Variants in PTPRR observed in about 807,000 individuals in gnomAD.
PTPRR encodes the protein receptor-type tyrosine-protein phosphatase R.
A neutral mutation model predicts 77.2 loss-of-function variants in PTPRR; 38 were observed. The ratio of observed to expected loss-of-function variants is 0.49; its 90% confidence interval spans 0.38 to 0.65. The LOEUF is 0.65. Ranked by LOEUF, PTPRR falls within the 30% of genes least tolerant of loss-of-function variation. PTPRR has a pLI of 0.00. For missense variants in PTPRR, 744 were observed against 799.2 expected, an observed-to-expected ratio of 0.93 and a Z score of 0.83; for synonymous variants, 299 against 283.1, an observed-to-expected ratio of 1.06 and a Z score of -0.57.
intron 4 of PTPRR, among the ~76,000 whole-genome samples, chr12:70,758,864 G>T (rs1890622167): frequency 6.6e-6 from 1 of 152,088 alleles, no homozygotes; most frequent in African/African-American, 2.4e-5. Context: ...ATCATTTATT[G>T]TTTGTTTTCT....
intron 2 of PTPRR, among the ~76,000 whole-genome samples, chr12:70,768,212 T>C (rs1160141748): frequency 2.0e-5 from 3 of 151,818 alleles, no homozygotes; most frequent in African/African-American, 4.8e-5. Flanking sequence ...TTCAAAAAAT[T>C]AATGAATCCA....
chr12:70,857,144 G>T (rs1456004027), intron 2 of PTPRR, among the ~76,000 whole-genome samples: 1 of 152,074 alleles, frequency 6.6e-6, no homozygotes, highest in Non-Finnish European at 1.5e-5. Flanking sequence ...ATACATATTT[G>T]ATATCCTGGA....
At chr12:70,858,343 G>A (rs923793884) in intron 2 of PTPRR, among the ~76,000 whole-genome samples, 1 of 152,042 alleles carries the variant, frequency 6.6e-6, no homozygotes, top group East Asian at 1.9e-4. Context: ...TGTCTTGTAG[G>A]ATGGACACTG....
chr12:70,909,588 A>G (rs1893671229), intron 1 of PTPRR, among the ~76,000 whole-genome samples: 1 of 152,216 alleles, frequency 6.6e-6, no homozygotes, highest in African/African-American at 2.4e-5. Context: ...TCAAAGGAAC[A>G]AAACAAAACA....
intron 2 of PTPRR, among the ~76,000 whole-genome samples, chr12:70,883,213 A>T (rs1331575406): frequency 6.6e-6 from 1 of 152,178 alleles, no homozygotes; most frequent in East Asian, 1.9e-4. Flanking sequence ...GTGAGCTGAG[A>T]TCTCACCATT....
intron 2 of PTPRR, among the ~76,000 whole-genome samples, chr12:70,881,070 T>C (rs924715809): frequency 3.9e-5 from 6 of 152,166 alleles, no homozygotes; most frequent in African/African-American, 1.4e-4. Context: ...TTCAAGTAGA[T>C]TTTGCTATAC....
chr12:70,765,452 T>C (rs762502972), intron 2 of PTPRR, among the ~76,000 whole-genome samples: 2 of 152,052 alleles, frequency 1.3e-5, no homozygotes, highest in Non-Finnish European at 2.9e-5. Context: ...GCAGTGAGGC[T>C]GGGGGAGGGG....
chr12:70,824,450 C>G (rs1037243500), intron 2 of PTPRR, among the ~76,000 whole-genome samples: 2 of 151,952 alleles, frequency 1.3e-5, no homozygotes, highest in African/African-American at 4.8e-5. Context: ...ATCAAGAAAC[C>G]ATGGTAGCTA....
intron 10 of PTPRR, among the ~76,000 whole-genome samples, chr12:70,680,195 G>T (rs978714702): frequency 2.0e-5 from 3 of 151,882 alleles, no homozygotes; most frequent in Non-Finnish European, 2.9e-5. Context: ...TTTCCTTCAG[G>T]TCATTATTTT....
intron 1 of PTPRR, among the ~76,000 whole-genome samples, chr12:70,908,245 T>G (rs1893651151): frequency 6.6e-6 from 1 of 152,152 alleles, no homozygotes; most frequent in South Asian, 2.1e-4. Context: ...CTCACCATAG[T>G]AATGATACTA....
At chr12:70,772,847 A>G (rs560267213) in intron 2 of PTPRR, among the ~76,000 whole-genome samples, 1 of 152,294 alleles carries the variant, frequency 6.6e-6, no homozygotes, top group East Asian at 1.9e-4. Context: ...AACACTTTAA[A>G]ATTTCTTAAA....
At chr12:70,767,569 G>T (rs573468343) in intron 2 of PTPRR, among the ~76,000 whole-genome samples, 1 of 152,014 alleles carries the variant, frequency 6.6e-6, no homozygotes, top group African/African-American at 2.4e-5. Context: ...AATAATGGGA[G>T]ACGTTAACAC....
At position 70,864,897 on chromosome 12, in the gene PTPRR, C is replaced by A. The variant is rs1466001388; in HGVS notation, c.357+27782G>T. The stretch of plus-strand genomic sequence containing the variant: ...TGGGATCTCCACTCACTGCAACCTC[C>A]ACTTCCCGGGTTCAAGTGATTCTCC... On this transcript the variant is annotated intron_variant, in intron 2 of 13. Transcript: ENST00000283228. Among the ~76,000 whole-genome samples, 4 of 152,250 alleles carry A rather than the reference C, an allele frequency of 2.6e-5. No individual in the cohort carries two copies. The East Asian group carries it at 7.7e-4, about 29-fold the overall frequency.
intron 4 of PTPRR, among the ~76,000 whole-genome samples, chr12:70,756,483 C>G (rs1002974782): frequency 1.3e-5 from 2 of 152,158 alleles, no homozygotes; most frequent in African/African-American, 2.4e-5. Flanking sequence ...AATCTTCAAT[C>G]TAACCTTTGC....
At chr12:70,691,893 T>C (rs1888068872) in intron 8 of PTPRR, among the ~76,000 whole-genome samples, 1 of 152,202 alleles carries the variant, frequency 6.6e-6, no homozygotes, top group Non-Finnish European at 1.5e-5. Context: ...GTCAAGGTGC[T>C]CTGTAAAACA....
At chr12:70,681,769 A>G (rs1887670761) in intron 10 of PTPRR, among the ~76,000 whole-genome samples, 1 of 151,952 alleles carries the variant, frequency 6.6e-6, no homozygotes, top group Non-Finnish European at 1.5e-5. Context: ...GGGCTTTTCT[A>G]TGGAAATCTG....
At chr12:70,726,054 C>T (rs976238744) in intron 6 of PTPRR, among the ~76,000 whole-genome samples, 2 of 151,080 alleles carry the variant, frequency 1.3e-5, no homozygotes, top group African/African-American at 4.9e-5. Context: ...CTTTGTATGA[C>T]ATTACCCAGA....
intron 2 of PTPRR, among the ~76,000 whole-genome samples, chr12:70,876,338 G>A (rs1278275316): frequency 2.0e-5 from 3 of 151,994 alleles, no homozygotes; most frequent in Non-Finnish European, 4.4e-5. Context: ...GATTATCATA[G>A]CAATTTTGTG....
chr12:70,770,042 A>C (rs1285546408), intron 2 of PTPRR, among the ~76,000 whole-genome samples: 1 of 151,960 alleles, frequency 6.6e-6, no homozygotes, highest in Non-Finnish European at 1.5e-5. Flanking sequence ...ATTAGACCTA[A>C]AACCATAAAA....
Sources: gnomAD v4.1 joint callset for allele counts (sites outside exome capture counted in the v4.1 genomes callset) on GRCh38, gnomAD v4.1.1 for gene constraint, MANE v1.5 for transcripts, NCBI Gene and HGNC (gene_info 2026-07-23, HGNC 2026-07-21) for gene names.